The following EFCAB9 variants were observed in gnomAD, a reference collection of about 807,000 sequenced individuals.
The protein encoded by EFCAB9 is EF-hand calcium binding domain 9.
In EFCAB9, 16 loss-of-function variants were observed where a neutral mutation model predicts 15.6. That is an observed-to-expected ratio of 1.03 (90% confidence interval 0.69 to 1.56). EFCAB9 has a LOEUF of 1.56. Among genes scored for constraint, EFCAB9 ranks in the 40% most tolerant of loss-of-function variants. The pLI is 0.00. For synonymous variants in EFCAB9, 76 were observed against 85.4 expected (o/e 0.89, Z 0.61); for missense variants, 208 against 235.4 (o/e 0.88, Z 0.76).
intron 3 of EFCAB9, among the ~76,000 whole-genome samples, chr5:172,202,120 C>T (rs982173175): frequency 6.6e-6 from 1 of 151,832 alleles, no homozygotes; most frequent in African/African-American, 2.4e-5. Flanking sequence ...GTGGGCAGAT[C>T]ACGAGGACAG....
chr5:172,203,188 TTC>T (rs956218117), intron 3 of EFCAB9, 24 bp from the exon 4 acceptor site: 3 of 1,433,910 alleles, frequency 2.1e-6, no homozygotes, highest in Non-Finnish European at 2.7e-6. Context: ...GAAATAATTT[TTC>T]TTTCCCCCCC....
intron 1 of EFCAB9, among the ~76,000 whole-genome samples, chr5:172,198,403 GGAGGCTGGGGTGGGAGGATCATTT>G: frequency 6.6e-6 from 1 of 152,260 alleles, no homozygotes; most frequent in East Asian, 1.9e-4. Context: ...CAGCTACTTG[GGAGGCTGGGGTGGGAGGATCATTT>G]GAGCCTGGGA....
chr5:172,194,763 G>A (rs986881687), intron 1 of EFCAB9, among the ~76,000 whole-genome samples: 2 of 152,066 alleles, frequency 1.3e-5, no homozygotes, highest in Admixed American at 6.6e-5. Context: ...GAATTGACAC[G>A]GGGGACAGTT....
Position 172,199,524 on chromosome 5 carries a change from C to A in EFCAB9, c.278C>A (p.Ala93Asp). The part of the protein sequence containing the change: ...KFYMLVCMLL[A>D]HQNHLEGQFM... ...TACATGCTGGTGTGCATGCTGCTGG[C>A]CCACCAGGCAAGTAGCCGCGCGGCT... Residue 93 changes from alanine to aspartate, a missense_variant, in exon 2 of 4, where the codon GCC (alanine) becomes GAC (aspartate). Coordinates refer to ENST00000398186, the MANE Select transcript of EFCAB9 (RefSeq NM_001171183.2). 6.5e-7 allele frequency: 1 copy of A among 1,537,136 alleles called. No individual in the cohort carries two copies. The highest frequency in any genetic ancestry group is 8.7e-7 in the Non-Finnish European group (1 of 1,146,858).
At chr5:172,200,170 C>T (rs994255535) in intron 2 of EFCAB9, among the ~76,000 whole-genome samples, 4 of 151,944 alleles carry the variant, frequency 2.6e-5, no homozygotes, top group Non-Finnish European at 4.4e-5. Flanking sequence ...CCACCCACCT[C>T]GAGCCTCCCA....
At chr5:172,197,890 A>G (rs780566865) in intron 1 of EFCAB9, among the ~76,000 whole-genome samples, 25 of 152,022 alleles carry the variant, frequency 1.6e-4, no homozygotes, top group Non-Finnish European at 2.9e-4. Context: ...TCCATTTAAC[A>G]GAGTGCTGAT....
intron 1 of EFCAB9, among the ~76,000 whole-genome samples, chr5:172,195,635 A>G (rs1771147838): frequency 6.6e-6 from 1 of 152,186 alleles, no homozygotes; most frequent in Admixed American, 6.5e-5. Flanking sequence ...CTGCTGATGC[A>G]GTACCCAGGA....
chr5:172,200,331 G>A lies in EFCAB9; in HGVS notation c.286-235G>A, dbSNP rs759975824. 9.9e-5 allele frequency among the ~76,000 whole-genome samples: 15 copies of A among 152,262 alleles called. No individual in the cohort carries two copies. The South Asian group carries it at 1.9e-3, about 19-fold the overall frequency. The stretch of plus-strand genomic sequence containing the variant: ...AATGCATTATAGTAACTAGGGTTCC[G>A]TCTAGCAGAATTGATTATTACAAGA... On this transcript the variant is annotated intron_variant, in intron 2 of 3. Transcript: ENST00000398186.
chr5:172,202,511 C>G (rs1340846807), intron 3 of EFCAB9, among the ~76,000 whole-genome samples: 1 of 152,058 alleles, frequency 6.6e-6, no homozygotes, highest in East Asian at 1.9e-4. Context: ...AGTTCAAGAT[C>G]AGCCTGGCCA....
chr5:172,203,256 A>G lies in EFCAB9; in HGVS notation c.505A>G (p.Thr169Ala). 6.5e-7 allele frequency: 1 copy of G among 1,536,686 alleles called. No homozygotes were observed. Among genetic ancestry groups the G allele is most frequent in the Non-Finnish European group, 8.7e-7 (1 of 1,146,672 alleles). The change falls in exon 4 of 4, where the codon ACT becomes GCT. Residue 169 changes from threonine to alanine, a missense_variant. Thr to Ala is a moderately conservative substitution (Grantham distance 58). Coordinates refer to ENST00000398186, the MANE Select transcript of EFCAB9 (RefSeq NM_001171183.2). Reference sequence around the variant, plus strand: ...ATTTAAGCTGTATACAATCATCTACACTGACAAATTACAGAAGAGGCAGAA... The same window carrying G: ...ATTTAAGCTGTATACAATCATCTACGCTGACAAATTACAGAAGAGGCAGAA... Reference protein sequence around the residue: ...QEFKLYTIIYTDKLQKRQKTE... With the variant: ...QEFKLYTIIYADKLQKRQKTE...
At chr5:172,195,064 C>A (rs1771136078) in intron 1 of EFCAB9, among the ~76,000 whole-genome samples, 1 of 152,062 alleles carries the variant, frequency 6.6e-6, no homozygotes, top group East Asian at 1.9e-4. Flanking sequence ...ACTCTGGAGA[C>A]CCCTCAGCAA....
At chr5:172,195,556 C>G (rs1331658462) in intron 1 of EFCAB9, among the ~76,000 whole-genome samples, 1 of 152,200 alleles carries the variant, frequency 6.6e-6, no homozygotes, top group Admixed American at 6.5e-5. Context: ...ACGCAGGGCT[C>G]TCTGCCTGCA....
chr5:172,198,990 A>G (rs1426687763), intron 1 of EFCAB9, among the ~76,000 whole-genome samples: 1 of 152,214 alleles, frequency 6.6e-6, no homozygotes, highest in African/African-American at 2.4e-5. Flanking sequence ...CATCTCCAAG[A>G]AAGTGTTCTC....
intron 1 of EFCAB9, among the ~76,000 whole-genome samples, chr5:172,198,985 C>T (rs998342625): frequency 6.6e-6 from 1 of 152,206 alleles, no homozygotes; most frequent in Non-Finnish European, 1.5e-5. Context: ...GTCAGCATCT[C>T]CAAGAAAGTG....
At chr5:172,195,443 CAT>C (rs1771144965) in intron 1 of EFCAB9, among the ~76,000 whole-genome samples, 1 of 152,196 alleles carries the variant, frequency 6.6e-6, no homozygotes, top group Non-Finnish European at 1.5e-5. Flanking sequence ...TCTCTCTTTA[CAT>C]AGAGATTTAT....
chr5:172,194,436 A>G (rs6862640), intron 1 of EFCAB9, 128 bp downstream of exon 1: 417,430 of 1,227,846 alleles, frequency 0.34, 77,936 homozygotes, highest in African/African-American at 0.69. Context: ...ATCTCGCTCT[A>G]TTGCCCAGGC....
Position 172,201,444 on chromosome 5 carries a change from G to A in EFCAB9, c.462+702G>A, listed in dbSNP as rs1036488897. On this transcript the variant is annotated intron_variant, in intron 3 of 3. Transcript: ENST00000398186. ...TGCCTGTAATCCCAGCTACTTGGGAGGCTGAGGCAGAAGAATCACTTGAAT... is the reference window on the plus strand; with the variant it reads ...TGCCTGTAATCCCAGCTACTTGGGAAGCTGAGGCAGAAGAATCACTTGAAT... 3.4e-4 allele frequency among the ~76,000 whole-genome samples: 51 copies of A among 152,184 alleles called. 1 individual carries two copies.
Position 172,195,843 on chromosome 5 carries a change from T to C in EFCAB9, c.136+1535T>C, listed in dbSNP as rs140058736. Among the ~76,000 whole-genome samples the C allele has an allele frequency of 1.5e-3, 226 of 152,290 alleles. 2 individuals carry two copies. The Middle Eastern group carries it at 0.024, about 16-fold the overall frequency. ...TATTTATTGGGACGGAGTCTCGCTC[T>C]GTCGCCCAGAAGTGCAGTGGCCCAA... On this transcript the variant is annotated intron_variant, in intron 1 of 3. Coordinates refer to ENST00000398186, the MANE Select transcript of EFCAB9 (RefSeq NM_001171183.2).
Position 172,194,309 on chromosome 5 carries a change from G to C in EFCAB9, c.136+1G>C, listed in dbSNP as rs1043529550. ...GTGCACGGCAAGAACACCTTGAATG[G>C]TCAGTACTTTCAGACATGTCTCCTC... On this transcript the variant is annotated splice_donor_variant, in intron 1 of 3. Coordinates refer to ENST00000398186, the MANE Select transcript of EFCAB9 (RefSeq NM_001171183.2). LOFTEE classifies it high-confidence loss of function. 1.3e-6 allele frequency: 2 copies of C among 1,537,844 alleles called. No individual in the cohort carries two copies. Among genetic ancestry groups the C allele is most frequent in the East Asian group, 4.9e-5 (2 of 40,924 alleles).
Sources: allele counts gnomAD v4.1 joint callset (sites outside exome capture counted in the v4.1 genomes callset), GRCh38; gene constraint gnomAD v4.1.1; transcripts MANE v1.5; gene names NCBI Gene and HGNC (gene_info 2026-07-23, HGNC 2026-07-21).